PRKN: variants seen among roughly 807,000 people sequenced by gnomAD.
The protein encoded by PRKN is E3 ubiquitin-protein ligase parkin.
PRKN carries 56 observed loss-of-function variants against 59.5 expected under a neutral mutation model. The ratio of observed to expected loss-of-function variants is 0.94; its 90% CI spans 0.76 to 1.18. PRKN has a LOEUF of 1.18. Ranked by LOEUF, PRKN falls within the 50% of genes most tolerant of loss-of-function variation. The probability of loss-of-function intolerance (pLI) is 0.00; values close to 1 mark genes in which losing one functional copy is unlikely to be tolerated. For missense variants in PRKN, 657 were observed against 596.4 expected, an observed-to-expected ratio of 1.10 and a Z score of -1.06; for synonymous variants, 250 against 222.1, an observed-to-expected ratio of 1.13 and a Z score of -1.12.
intron 4 of PRKN, among the ~76,000 whole-genome samples, chr6:162,102,743 G>A (rs1780025270): frequency 6.6e-6 from 1 of 152,084 alleles, no homozygotes; most frequent in Non-Finnish European, 1.5e-5. Context: ...AGAACACACA[G>A]GGCAGAAATA....
rs528145376 is a variant in PRKN at position 161,446,446 on chromosome 6, G to A, written c.1084-59569C>T. 1.9e-4 allele frequency among the ~76,000 whole-genome samples: 29 copies of A among 152,190 alleles called. No homozygotes were observed. The South Asian group carries it at 4.2e-3, about 22-fold the overall frequency. On this transcript the variant is annotated intron_variant, in intron 9 of 11. Coordinates refer to ENST00000366898, the MANE Select transcript of PRKN (RefSeq NM_004562.3). The surrounding 1 kb of genome is among the most constrained non-coding windows in gnomAD (Gnocchi z 6.2). ...CTGTGGGAGGGGAAAGGCCCTCCCCGCTACCAGATGCAGACTCTGGTGCCC... is the reference window on the plus strand; with the variant it reads ...CTGTGGGAGGGGAAAGGCCCTCCCCACTACCAGATGCAGACTCTGGTGCCC...
At chr6:161,810,886 T>A (rs1344143016) in intron 6 of PRKN, among the ~76,000 whole-genome samples, 1 of 152,096 alleles carries the variant, frequency 6.6e-6, no homozygotes, top group Non-Finnish European at 1.5e-5. Context: ...CCTGGGGAAC[T>A]TGAGGAAGGC....
intron 9 of PRKN, among the ~76,000 whole-genome samples, chr6:161,490,335 TGCTTTC>T (rs1294071648): frequency 7.6e-5 from 8 of 104,830 alleles, no homozygotes; most frequent in African/African-American, 2.9e-4. Flanking sequence ...CTTGCTTGCT[TGCTTTC>T]TCTCTCTCTC....
chr6:162,707,401 A>C (rs1384344512), intron 1 of PRKN, among the ~76,000 whole-genome samples: 1 of 152,218 alleles, frequency 6.6e-6, no homozygotes, highest in African/African-American at 2.4e-5. Context: ...AGAGTAATAC[A>C]AAATATGTTC....
chr6:162,477,807 C>CAG (rs1792097816), intron 1 of PRKN, among the ~76,000 whole-genome samples: 1 of 152,178 alleles, frequency 6.6e-6, no homozygotes, highest in Non-Finnish European at 1.5e-5. Context: ...TACAGCATCT[C>CAG]TAACTATTCA....
At chr6:161,382,945 G>A (rs925449798) in intron 10 of PRKN, among the ~76,000 whole-genome samples, 1 of 152,210 alleles carries the variant, frequency 6.6e-6, no homozygotes, top group African/African-American at 2.4e-5. Context: ...CAGCAGAAAC[G>A]AGTCACAAAT....
intron 5 of PRKN, among the ~76,000 whole-genome samples, chr6:162,049,362 A>C (rs1314322824): frequency 6.6e-6 from 1 of 152,132 alleles, no homozygotes; most frequent in Non-Finnish European, 1.5e-5. Context: ...GTCAGAGTTT[A>C]TATTTAGCTG....
At chr6:162,052,194 C>T (rs1777671844) in intron 5 of PRKN, among the ~76,000 whole-genome samples, 1 of 152,024 alleles carries the variant, frequency 6.6e-6, no homozygotes, top group African/African-American at 2.4e-5. Flanking sequence ...AATTTCAGAT[C>T]TAAGTTCTAT....
At chr6:162,488,037 T>G (rs941288471) in intron 1 of PRKN, among the ~76,000 whole-genome samples, 6 of 150,272 alleles carry the variant, frequency 4.0e-5, no homozygotes, top group African/African-American at 7.3e-5. Flanking sequence ...CTTTTTTTTT[T>G]TTTTTTTTTT....
chr6:161,902,561 T>TCTA (rs1562378517), intron 6 of PRKN, among the ~76,000 whole-genome samples: 6 of 127,934 alleles, frequency 4.7e-5, no homozygotes, highest in Non-Finnish European at 6.5e-5. Flanking sequence ...TATTTATTTA[T>TCTA]TTATTTTTTT....
intron 6 of PRKN, among the ~76,000 whole-genome samples, chr6:161,829,090 G>A (rs752861066): frequency 6.6e-6 from 1 of 152,268 alleles, no homozygotes; most frequent in African/African-American, 2.4e-5. Flanking sequence ...GCCAGGCATA[G>A]TGGCATGTGC....
chr6:161,874,287 T>TAA lies in PRKN; in HGVS notation c.735-88380_735-88379insTT, dbSNP rs796579223. 9.1e-3 allele frequency among the ~76,000 whole-genome samples: 148 copies of TAA among 16,182 alleles called. 20 individuals are homozygous for TAA. Among genetic ancestry groups the TAA allele is most frequent in the Non-Finnish European group, 0.014 (116 of 8,502 alleles). 10.6% of individuals were successfully genotyped at this position (16,182 alleles called of 152,430 possible). A position where few individuals can be genotyped will look rare whatever the true frequency, so the allele number is the denominator to read the frequency against. ...TAAAATATATAATATATATTATATA[T>TAA]TATATATTACATGTAAAATATTATA... On this transcript the variant is annotated intron_variant, in intron 6 of 11. Transcript: ENST00000366898.
intron 1 of PRKN, among the ~76,000 whole-genome samples, chr6:162,451,191 C>T (rs542297680): frequency 2.6e-5 from 4 of 152,016 alleles, no homozygotes; most frequent in East Asian, 3.9e-4. Context: ...CCAGTAATTA[C>T]GTTTATAATG....
At chr6:162,439,873 T>C (rs759381956) in intron 2 of PRKN, among the ~76,000 whole-genome samples, 1 of 152,284 alleles carries the variant, frequency 6.6e-6, no homozygotes, top group South Asian at 2.1e-4. Context: ...CAACTGTTCA[T>C]GGTATCAGTA....
intron 1 of PRKN, among the ~76,000 whole-genome samples, chr6:162,589,669 A>G (rs1781223799): frequency 6.6e-6 from 1 of 152,204 alleles, no homozygotes; most frequent in Non-Finnish European, 1.5e-5. Flanking sequence ...CCAGATACTC[A>G]TAACAGCAAC....
Position 162,010,485 on chromosome 6 carries a change from A to G in PRKN, c.619-37068T>C, listed in dbSNP as rs1261507818. On this transcript the variant is annotated intron_variant, in intron 5 of 11. Transcript: ENST00000366898. ...ATAATATATATTATATAATGTATTT[A>G]TAATATATATTATATAATATATTAT... is the stretch of plus-strand genomic sequence containing the variant. Among the ~76,000 whole-genome samples the G allele has an allele frequency of 9.4e-5, 6 of 64,140 alleles. 1 individual carries two copies. The highest frequency in any genetic ancestry group is 1.3e-4 in the Non-Finnish European group (5 of 39,744). The allele number at this position is 64,140 out of a possible 152,430, so 42.1% of individuals were successfully genotyped here.
chr6:161,516,477 A>G (rs959104676), intron 9 of PRKN, among the ~76,000 whole-genome samples: 1 of 117,146 alleles, frequency 8.5e-6, no homozygotes, highest in Non-Finnish European at 1.7e-5. Flanking sequence ...TAAAAAAAAA[A>G]AAAAAAAAAA....
intron 5 of PRKN, among the ~76,000 whole-genome samples, chr6:162,020,901 G>T (rs1162860105): frequency 6.6e-6 from 1 of 151,564 alleles, no homozygotes; most frequent in South Asian, 2.1e-4. Flanking sequence ...TCAGGACTTC[G>T]AGATCAGCCT....
intron 5 of PRKN, among the ~76,000 whole-genome samples, chr6:162,011,429 T>TATAATATATTATAATATATA (rs1264936631): frequency 4.6e-5 from 1 of 21,816 alleles, no homozygotes; most frequent in African/African-American, 5.3e-4. Context: ...TTTTATAATA[T>TATAATATATTATAATATATA]ATATGTTATA....
Sources: gnomAD v4.1 joint callset for allele counts (sites outside exome capture counted in the v4.1 genomes callset) on GRCh38, gnomAD v4.1.1 for gene constraint, Gnocchi (gnomAD v3.1) non-coding constraint, MANE v1.5 for transcripts, NCBI Gene and HGNC (gene_info 2026-07-23, HGNC 2026-07-21) for gene names.